Variants in DECR1 observed in about 807,000 individuals in gnomAD.
DECR1 encodes the protein 2,4-dienoyl-CoA reductase [(3E)-enoyl-CoA-producing], mitochondrial.
In DECR1, 44 loss-of-function variants were observed where a neutral mutation model predicts 38.8. The ratio of observed to expected loss-of-function variants is 1.13; its 90% CI spans 0.89 to 1.46. The LOEUF is 1.46. DECR1 is among the 40% of genes most tolerant of loss of function. The pLI is 0.00. For synonymous variants in DECR1, 148 were observed against 135.2 expected, an observed-to-expected ratio of 1.09 and a Z score of -0.66; for missense variants, 428 against 405.5, an observed-to-expected ratio of 1.06 and a Z score of -0.48.
At chr8:90,020,262 T>C (rs1032643630) in intron 4 of DECR1, among the ~76,000 whole-genome samples, 3 of 152,222 alleles carry the variant, frequency 2.0e-5, no homozygotes, top group African/African-American at 4.8e-5. Flanking sequence ...ACAAGCTGCA[T>C]TGGTTAAGTT....
At chr8:90,047,132 C>T (rs1457020371) in intron 8 of DECR1, among the ~76,000 whole-genome samples, 1 of 152,088 alleles carries the variant, frequency 6.6e-6, no homozygotes, top group Non-Finnish European at 1.5e-5. Flanking sequence ...AACTAACGAG[C>T]AAAATAACCA....
intron 7 of DECR1, among the ~76,000 whole-genome samples, chr8:90,043,512 A>AT (rs1813815519): frequency 6.6e-6 from 1 of 152,222 alleles, no homozygotes; most frequent in Admixed American, 6.5e-5. Flanking sequence ...TAAAGCAAGT[A>AT]TTTATAATGC....
intron 6 of DECR1, among the ~76,000 whole-genome samples, chr8:90,042,118 T>G (rs1813777752): frequency 1.3e-5 from 2 of 152,152 alleles, no homozygotes. Flanking sequence ...TTTGTTAGAT[T>G]CCTATTTCCT....
chr8:90,027,278 G>T (rs1399096948), intron 5 of DECR1, among the ~76,000 whole-genome samples: 1 of 152,112 alleles, frequency 6.6e-6, no homozygotes, highest in Non-Finnish European at 1.5e-5. Context: ...GGATATCCTT[G>T]TTAACTTTCC....
intron 2 of DECR1, 43 bp from the exon 3 acceptor site, chr8:90,018,866 T>C (rs1009178042): frequency 7.0e-6 from 10 of 1,424,640 alleles, no homozygotes; most frequent in Admixed American, 1.9e-5. Flanking sequence ...ATTTATGAAA[T>C]TGAAAAATAT....
intron 1 of DECR1, chr8:90,016,918 C>A (rs1055447583): frequency 6.5e-6 from 3 of 463,886 alleles, no homozygotes; most frequent in Non-Finnish European, 1.2e-5. Flanking sequence ...GGAGAAAATT[C>A]TGTGCTATGT....
intron 2 of DECR1, 160 bp from the exon 3 acceptor site, chr8:90,018,749 C>G (rs554490600): frequency 2.6e-4 from 161 of 607,882 alleles, no homozygotes; most frequent in Non-Finnish European, 4.3e-4. Context: ...TAAAAATGAT[C>G]TAAATTTGAC....
In DECR1 at chr8:90,051,671, T is replaced by C. The variant is rs755244555; in HGVS notation, c.886-6T>C. The C allele has an allele frequency of 1.2e-4, 186 of 1,610,898 alleles. No individual in the cohort carries two copies. The highest frequency in any genetic ancestry group is 6.6e-4 in the Middle Eastern group (3 of 4,522). ...GTTTCAGAGTTTAAAAATTTGTTTTTTCCAGGTCATTAAATTTGACGGTGG... is the reference window on the plus strand; with the variant it reads ...GTTTCAGAGTTTAAAAATTTGTTTTCTCCAGGTCATTAAATTTGACGGTGG... On this transcript the variant is annotated splice_region_variant and splice_polypyrimidine_tract_variant and intron_variant, in intron 8 of 9. Coordinates refer to ENST00000220764, the MANE Select transcript of DECR1 (RefSeq NM_001359.2).
intron 1 of DECR1, among the ~76,000 whole-genome samples, chr8:90,009,420 T>C (rs1812827829): frequency 6.6e-6 from 1 of 152,190 alleles, no homozygotes; most frequent in South Asian, 2.1e-4. Flanking sequence ...ATATCAACTT[T>C]TAATATACTA....
In DECR1 at chr8:90,017,215, C is replaced by T. The variant is rs1813030344; in HGVS notation, c.161C>T (p.Pro54Leu). 2 of 1,614,078 alleles carry T rather than the reference C, an allele frequency of 1.2e-6. No individual in the cohort carries two copies. The highest frequency in any genetic ancestry group is 1.7e-6 in the Non-Finnish European group (2 of 1,179,968). The change falls in exon 2 of 10, where the codon CCT becomes CTT. Residue 54 changes from proline (P) to leucine (L), a missense_variant. Coordinates refer to ENST00000220764, the MANE Select transcript of DECR1 (RefSeq NM_001359.2). ...FSPLQKAMLP[P>L]NSFQGKVAFI... ...CCTCTTCAAAAAGCGATGCTACCACCTAATAGTTTTCAAGGAAAAGTGGCA... is the reference window on the plus strand; with the variant it reads ...CCTCTTCAAAAAGCGATGCTACCACTTAATAGTTTTCAAGGAAAAGTGGCA...
chr8:90,024,476 G>A (rs1813272737), intron 5 of DECR1, among the ~76,000 whole-genome samples: 1 of 152,176 alleles, frequency 6.6e-6, no homozygotes, highest in Non-Finnish European at 1.5e-5. Flanking sequence ...CAGTGATGAT[G>A]AGCATTTTTT....
At chr8:90,030,124 T>C (rs1813458178) in intron 5 of DECR1, among the ~76,000 whole-genome samples, 1 of 152,140 alleles carries the variant, frequency 6.6e-6, no homozygotes, top group Non-Finnish European at 1.5e-5. Flanking sequence ...CTAGATTCCT[T>C]GCATGTGTAG....
chr8:90,020,921 A>C lies in DECR1; in HGVS notation c.430A>C (p.Asn144His). The C allele has an allele frequency of 6.4e-7, 1 of 1,568,152 alleles. No individual in the cohort carries two copies. Among genetic ancestry groups the C allele is most frequent in the East Asian group, 2.3e-5 (1 of 43,084 alleles). The change falls in exon 5 of 10, where the codon AAT becomes CAT. Residue 144 changes from asparagine to histidine, a missense_variant. Transcript: ENST00000220764. The part of the protein sequence containing the change: ...VAGHPNIVIN[N>H]AAGNFISPTE... Reference sequence around the variant, plus strand: ...GTTCATTTATTAGATTGTGATAAACAATGCAGCAGGGAATTTTATTTCTCC... The same window carrying C: ...GTTCATTTATTAGATTGTGATAAACCATGCAGCAGGGAATTTTATTTCTCC...
At chr8:90,040,379 C>T (rs937333738) in intron 6 of DECR1, among the ~76,000 whole-genome samples, 9 of 152,130 alleles carry the variant, frequency 5.9e-5, no homozygotes, top group South Asian at 2.1e-4. Context: ...CTTGAGATTA[C>T]GTGTACCCTA....
At chr8:90,001,693 C>A (rs931441412) in intron 1 of DECR1, 132 bp downstream of exon 1, 10 of 778,532 alleles carry the variant, frequency 1.3e-5, no homozygotes, top group Non-Finnish European at 4.0e-6. Context: ...ACAGGGCGTC[C>A]CGGGGGTTCG....
chr8:90,028,099 C>T (rs1348717592), intron 5 of DECR1, among the ~76,000 whole-genome samples: 2 of 152,066 alleles, frequency 1.3e-5, no homozygotes, highest in East Asian at 3.9e-4. Flanking sequence ...CAGATGTTAC[C>T]TCGTCCTTTG....
intron 6 of DECR1, among the ~76,000 whole-genome samples, chr8:90,041,312 TG>T (rs1318934237): frequency 6.6e-6 from 1 of 152,156 alleles, no homozygotes; most frequent in Non-Finnish European, 1.5e-5. Flanking sequence ...CACTTTTTGA[TG>T]GGGTTGTTTG....
At chr8:90,026,000 T>G (rs891975855) in intron 5 of DECR1, among the ~76,000 whole-genome samples, 7 of 152,220 alleles carry the variant, frequency 4.6e-5, no homozygotes, top group Admixed American at 1.3e-4. Flanking sequence ...TTGTCTTTTG[T>G]TCTGTTTGTA....
intron 1 of DECR1, among the ~76,000 whole-genome samples, chr8:90,009,432 A>C (rs942861412): frequency 8.6e-5 from 13 of 151,776 alleles, no homozygotes; most frequent in African/African-American, 3.2e-4. Flanking sequence ...AATATACTAC[A>C]TATTTAACTT....
Sources: gnomAD v4.1 joint callset for allele counts (sites outside exome capture counted in the v4.1 genomes callset) on GRCh38, gnomAD v4.1.1 for gene constraint, MANE v1.5 for transcripts, NCBI Gene and HGNC (gene_info 2026-07-23, HGNC 2026-07-21) for gene names.